The following GDAP2 variants were observed in gnomAD, a reference collection of about 807,000 sequenced individuals.
GDAP2 encodes the protein ganglioside induced differentiation associated protein 2, also known as ganglioside-induced differentiation-associated protein 2.
Under a neutral mutation model 67.0 loss-of-function variants are expected in GDAP2, and 51 were observed. The ratio of observed to expected loss-of-function variants is 0.76; its 90% CI spans 0.61 to 0.96. The LOEUF (loss-of-function observed/expected upper bound fraction) is 0.96, where lower values mean the gene tolerates loss of function less well. GDAP2 is among the 40% of genes least tolerant of loss of function. GDAP2 has a pLI of 0.00. For synonymous variants in GDAP2, 203 were observed against 207.3 expected, an observed-to-expected ratio of 0.98 and a Z score of 0.18; for missense variants, 547 against 588.3, an observed-to-expected ratio of 0.93 and a Z score of 0.73.
At chr1:117,881,580 T>G (rs1277080986) in intron 12 of GDAP2, among the ~76,000 whole-genome samples, 1 of 151,922 alleles carries the variant, frequency 6.6e-6, no homozygotes, top group Non-Finnish European at 1.5e-5. Flanking sequence ...GAGGCCCAGA[T>G]GAACAAAGAG....
chr1:117,916,520 G>A (rs769705291), intron 3 of GDAP2, among the ~76,000 whole-genome samples: 2 of 152,194 alleles, frequency 1.3e-5, no homozygotes, highest in Non-Finnish European at 2.9e-5. Context: ...GGTTGTGTGT[G>A]GACAATGGAT....
intron 3 of GDAP2, among the ~76,000 whole-genome samples, chr1:117,918,020 T>C (rs1336131759): frequency 6.6e-6 from 1 of 152,250 alleles, no homozygotes; most frequent in Non-Finnish European, 1.5e-5. Context: ...TCAGTATTCC[T>C]GTTCAAGTTC....
intron 1 of GDAP2, among the ~76,000 whole-genome samples, chr1:117,922,123 A>C (rs1202381512): frequency 6.6e-6 from 1 of 152,302 alleles, no homozygotes; most frequent in East Asian, 1.9e-4. Context: ...CAAACATGCA[A>C]ATTGGTTATA....
intron 3 of GDAP2, chr1:117,913,401 AT>A (rs74388227): frequency 5.8e-3 from 827 of 142,050 alleles, no homozygotes; most frequent in Middle Eastern, 7.1e-3. Context: ...TAAGGTGATG[AT>A]TTTTTTTTTT....
intron 8 of GDAP2, chr1:117,896,618 C>T (rs1289172565): frequency 2.6e-6 from 1 of 388,188 alleles, no homozygotes; most frequent in Non-Finnish European, 4.6e-6. Context: ...TGTATCTGAC[C>T]ACTGGTTTCA....
intron 10 of GDAP2, among the ~76,000 whole-genome samples, chr1:117,885,096 G>A (rs112314269): frequency 2.0e-5 from 3 of 152,186 alleles, no homozygotes; most frequent in African/African-American, 4.8e-5. Flanking sequence ...GGGCTCAAGC[G>A]ATCTGCCTGC....
At position 117,866,157 on chromosome 1, in the gene GDAP2, G is replaced by C. The variant is rs192011080; in HGVS notation, c.*4412C>G. 4 of 152,322 alleles carry C rather than the reference G, an allele frequency of 2.6e-5. No individual in the cohort carries two copies. In the East Asian group the frequency reaches 7.7e-4, roughly 29 times the overall value. 9.4% of individuals were successfully genotyped at this position (152,322 alleles called of 1,614,324 possible). On this transcript the variant is annotated 3_prime_UTR_variant, in exon 14 of 14. Coordinates refer to ENST00000369443, the MANE Select transcript of GDAP2 (RefSeq NM_017686.4). ...CTAACATACAAAGTGATGGCATTTG[G>C]AGGTGGGGCCTCTGGGTGGTAATCA...
intron 5 of GDAP2, among the ~76,000 whole-genome samples, chr1:117,907,759 C>T (rs1032078445): frequency 6.6e-6 from 1 of 152,132 alleles, no homozygotes; most frequent in African/African-American, 2.4e-5. Flanking sequence ...GCTCTCCTTG[C>T]GTCTTTTTTC....
intron 6 of GDAP2, among the ~76,000 whole-genome samples, chr1:117,902,337 CT>C (rs1336958052): frequency 6.6e-6 from 1 of 152,114 alleles, no homozygotes; most frequent in Admixed American, 6.5e-5. Context: ...TTCATTTTGG[CT>C]TTTTGTGCTT....
intron 1 of GDAP2, among the ~76,000 whole-genome samples, chr1:117,929,037 G>C (rs952499340): frequency 6.6e-6 from 1 of 152,070 alleles, no homozygotes; most frequent in African/African-American, 2.4e-5. Flanking sequence ...ACCATCCTGG[G>C]CTCAGCGTCT....
At chr1:117,910,921 G>A (rs1422402695) in intron 5 of GDAP2, among the ~76,000 whole-genome samples, 1 of 152,150 alleles carries the variant, frequency 6.6e-6, no homozygotes, top group Admixed American at 6.5e-5. Flanking sequence ...TGCAAATTCT[G>A]TATTTATGCA....
chr1:117,912,677 C>G lies in GDAP2; in HGVS notation c.323G>C (p.Arg108Pro). 1.2e-6 allele frequency: 2 copies of G among 1,612,542 alleles called. No homozygotes were observed. Among genetic ancestry groups the G allele is most frequent in the Non-Finnish European group, 1.7e-6 (2 of 1,178,932 alleles). Residue 108 changes from arginine (R) to proline (P), a missense_variant, in exon 4 of 14, where the codon CGA becomes CCA. Coordinates refer to ENST00000369443, the MANE Select transcript of GDAP2 (RefSeq NM_017686.4). ...TTTTGTCAATTTTGCTTCACCTGTT[C>G]GGCACCCTGAAAACAATGGAAACAC... Reference protein sequence around the residue: ...KEDLQKLKGCRTGEAKLTKGF... With the variant: ...KEDLQKLKGCPTGEAKLTKGF...
chr1:117,883,347 T>C, intron 11 of GDAP2, 141 bp downstream of exon 11: 1 of 599,206 alleles, frequency 1.7e-6, no homozygotes, highest in Non-Finnish European at 2.9e-6. Context: ...TCTCCTATGA[T>C]TGAAGTATCT....
chr1:117,925,882 A>C (rs966113232), intron 1 of GDAP2, among the ~76,000 whole-genome samples: 2 of 152,208 alleles, frequency 1.3e-5, no homozygotes, highest in Non-Finnish European at 2.9e-5. Context: ...TCCAACTTCC[A>C]AGTGACGATT....
chr1:117,877,858 GA>G, intron 13 of GDAP2, 150 bp downstream of exon 13: 1 of 1,274,252 alleles, frequency 7.8e-7, no homozygotes. Context: ...TTATCATAGG[GA>G]AAGTATGTTA....
At chr1:117,883,778 C>T in intron 10 of GDAP2, 151 bp from the exon 11 acceptor site, 1 of 534,804 alleles carries the variant, frequency 1.9e-6, no homozygotes, top group Non-Finnish European at 3.3e-6. Context: ...TGATGAATAT[C>T]CATTCTCTTT....
At chr1:117,916,720 C>T (rs1053495784) in intron 3 of GDAP2, among the ~76,000 whole-genome samples, 2 of 152,052 alleles carry the variant, frequency 1.3e-5, no homozygotes, top group Admixed American at 6.5e-5. Context: ...AGTGTTAATC[C>T]TAAGGTTCCT....
chr1:117,920,493 T>G (rs1240907951), intron 1 of GDAP2, 69 bp from the exon 2 acceptor site: 1 of 544,356 alleles, frequency 1.8e-6, no homozygotes, highest in Non-Finnish European at 3.2e-6. Context: ...ATTAAAGCAG[T>G]AAACAAAATT....
intron 3 of GDAP2, among the ~76,000 whole-genome samples, chr1:117,913,998 T>C (rs574279123): frequency 3.3e-5 from 5 of 152,300 alleles, no homozygotes; most frequent in East Asian, 1.9e-4. Context: ...AACTTGACTA[T>C]GCTGGCACCC....
Sources: allele counts gnomAD v4.1 joint callset (sites outside exome capture counted in the v4.1 genomes callset), GRCh38; gene constraint gnomAD v4.1.1; transcripts MANE v1.5; gene names NCBI Gene and HGNC (gene_info 2026-07-23, HGNC 2026-07-21).